Variants in FHIT observed in about 807,000 individuals in gnomAD.
The protein encoded by FHIT is bis(5'-adenosyl)-triphosphatase.
A neutral mutation model predicts 17.9 loss-of-function variants in FHIT; 19 were observed. The observed-to-expected ratio is 1.06, with a 90% CI of 0.74 to 1.56. The LOEUF is 1.56. FHIT is among the 40% of genes most tolerant of loss of function. The pLI is 0.00. For missense variants in FHIT, 248 were observed against 189.2 expected (o/e 1.31, Z -1.82); for synonymous variants, 81 against 69.7 (o/e 1.16, Z -0.81).
At chr3:61,194,295 G>A (rs758389148) in intron 2 of FHIT, among the ~76,000 whole-genome samples, 76 of 152,182 alleles carry the variant, frequency 5.0e-4, no homozygotes, top group Non-Finnish European at 8.5e-4. Context: ...AGGAAGAGAA[G>A]TAGGAGACAG....
intron 3 of FHIT, among the ~76,000 whole-genome samples, chr3:60,997,981 A>G (rs904435555): frequency 6.6e-6 from 1 of 152,220 alleles, no homozygotes; most frequent in African/African-American, 2.4e-5. Context: ...AAGATCACAA[A>G]GCACTCTCAA....
chr3:60,832,747 A>C (rs1702375830), intron 3 of FHIT, among the ~76,000 whole-genome samples: 1 of 152,138 alleles, frequency 6.6e-6, no homozygotes, highest in Non-Finnish European at 1.5e-5. Flanking sequence ...TCAATCTGGA[A>C]GAAATTCAGT....
intron 5 of FHIT, among the ~76,000 whole-genome samples, chr3:60,085,231 G>C (rs1049992494): frequency 6.6e-6 from 1 of 152,134 alleles, no homozygotes; most frequent in African/African-American, 2.4e-5. Context: ...AAGATCTTCA[G>C]AGATAAAAGA....
intron 5 of FHIT, among the ~76,000 whole-genome samples, chr3:60,418,897 G>A (rs1157908532): frequency 6.6e-6 from 1 of 152,020 alleles, no homozygotes. Flanking sequence ...CTCCACATAT[G>A]TGCATCTTTA....
chr3:60,199,371 T>A (rs1007278846), intron 5 of FHIT, among the ~76,000 whole-genome samples: 1 of 152,178 alleles, frequency 6.6e-6, no homozygotes, highest in African/African-American at 2.4e-5. Flanking sequence ...ACAGGCTAAA[T>A]TGAATTCAAA....
intron 3 of FHIT, among the ~76,000 whole-genome samples, chr3:61,032,560 G>T (rs1054163565): frequency 3.9e-5 from 6 of 152,162 alleles, no homozygotes; most frequent in African/African-American, 1.4e-4. Flanking sequence ...ACCAGAAGGA[G>T]CAGGGAAAAC....
At chr3:60,402,661 G>C (rs1181827270) in intron 5 of FHIT, among the ~76,000 whole-genome samples, 4 of 152,132 alleles carry the variant, frequency 2.6e-5, no homozygotes, top group African/African-American at 9.7e-5. Context: ...AGAGCAGAAA[G>C]CCTGGTTTAG....
At position 59,752,232 on chromosome 3, in the gene FHIT, A is replaced by G. The variant is rs1347754657; in HGVS notation, c.438T>C (p.Phe146=). ...AATGCAGTCTTTACCTGTGTCACTG[A>G]AAGTAGACCCGCAGAGCTGCGGCTT... The part of the protein sequence containing the change: ...AAEAAALRVY[F]Q The change falls in exon 9 of 10, where the codon TTT becomes TTC. Residue 146 remains phenylalanine, a synonymous_variant. Coordinates refer to ENST00000492590, the MANE Select transcript of FHIT (RefSeq NM_002012.4). 1 of 1,612,204 alleles carries G rather than the reference A, an allele frequency of 6.2e-7. No homozygotes were observed. The highest frequency in any genetic ancestry group is 8.5e-7 in the Non-Finnish European group (1 of 1,178,792).
intron 2 of FHIT, among the ~76,000 whole-genome samples, chr3:61,052,435 G>A (rs112945959): frequency 4.1e-4 from 63 of 152,226 alleles, no homozygotes; most frequent in South Asian, 2.5e-3. Context: ...CGGTGCTTGC[G>A]GCTTGTGTTT....
At chr3:60,130,782 G>GTATATACACACATA (rs1576167802) in intron 5 of FHIT, among the ~76,000 whole-genome samples, 3 of 12,314 alleles carry the variant, frequency 2.4e-4, no homozygotes, top group Admixed American at 9.4e-4. Context: ...GTGTGTGTGT[G>GTATATACACACATA]TGGTGTGTAT....
chr3:60,941,895 G>C (rs782257815), intron 3 of FHIT, among the ~76,000 whole-genome samples: 12 of 152,156 alleles, frequency 7.9e-5, no homozygotes, highest in Non-Finnish European at 1.5e-4. Flanking sequence ...AGTAACCTTT[G>C]TTGATCTGCC....
At chr3:59,967,902 G>C (rs1444254719) in intron 7 of FHIT, among the ~76,000 whole-genome samples, 1 of 151,996 alleles carries the variant, frequency 6.6e-6, no homozygotes, top group Non-Finnish European at 1.5e-5. Flanking sequence ...ATGGAGAAAA[G>C]ATATCTTAGA....
chr3:60,379,710 A>G (rs962547639), intron 5 of FHIT, among the ~76,000 whole-genome samples: 1 of 152,208 alleles, frequency 6.6e-6, no homozygotes, highest in Non-Finnish European at 1.5e-5. Context: ...TTGTCACAAT[A>G]AACCATCTGT....
At chr3:60,491,483 T>C (rs371002389) in intron 5 of FHIT, among the ~76,000 whole-genome samples, 12 of 152,096 alleles carry the variant, frequency 7.9e-5, no homozygotes, top group South Asian at 6.2e-4. Context: ...ATCAGAATTC[T>C]TGGATTATGA....
intron 2 of FHIT, among the ~76,000 whole-genome samples, chr3:61,186,806 T>G (rs2038528344): frequency 6.6e-6 from 1 of 152,180 alleles, no homozygotes; most frequent in Admixed American, 6.5e-5. Flanking sequence ...TAAGACATAG[T>G]TGCAAGATTC....
intron 3 of FHIT, among the ~76,000 whole-genome samples, chr3:60,825,771 CA>C (rs1280085666): frequency 6.6e-6 from 1 of 152,114 alleles, no homozygotes; most frequent in Non-Finnish European, 1.5e-5. Flanking sequence ...AATTATCTTC[CA>C]CAAAACCAGT....
intron 2 of FHIT, among the ~76,000 whole-genome samples, chr3:61,088,036 C>G (rs922251334): frequency 2.3e-4 from 35 of 152,220 alleles, no homozygotes; most frequent in African/African-American, 8.4e-4. Context: ...CCATTAATAA[C>G]TACTTTTTGC....
intron 4 of FHIT, among the ~76,000 whole-genome samples, chr3:60,628,935 T>G (rs938069776): frequency 6.7e-6 from 1 of 149,714 alleles, no homozygotes; most frequent in Non-Finnish European, 1.5e-5. Flanking sequence ...TCTGGCTTTC[T>G]TAGCTTGCCT....
At chr3:60,970,139 G>A (rs935166000) in intron 3 of FHIT, among the ~76,000 whole-genome samples, 2 of 152,122 alleles carry the variant, frequency 1.3e-5, no homozygotes, top group South Asian at 2.1e-4. Flanking sequence ...CTGACATTTT[G>A]TCTTCATATT....
Sources: allele counts gnomAD v4.1 joint callset (sites outside exome capture counted in the v4.1 genomes callset), GRCh38; gene constraint gnomAD v4.1.1; transcripts MANE v1.5; gene names NCBI Gene and HGNC (gene_info 2026-07-23, HGNC 2026-07-21).